G3BP2: variants seen among roughly 807,000 people sequenced by gnomAD.
G3BP2 encodes ras GTPase-activating protein-binding protein 2.
G3BP2 carries 11 observed loss-of-function variants against 56.7 expected under a neutral mutation model. The ratio of observed to expected loss-of-function variants is 0.19; its 90% CI spans 0.12 to 0.32. The LOEUF is 0.32. G3BP2 is among the 10% of genes least tolerant of loss of function. G3BP2 has a pLI of 1.00. For missense variants in G3BP2, 340 were observed against 610.9 expected (o/e 0.56, Z 4.67); for synonymous variants, 165 against 191.6 (o/e 0.86, Z 1.15).
At chr4:75,672,902 C>T (rs1733609038) in intron 1 of G3BP2, 1 of 623,040 alleles carries the variant, frequency 1.6e-6, no homozygotes, top group Non-Finnish European at 2.0e-6. Context: ...CGTGCCTCCC[C>T]CCCCACTTCG....
intron 3 of G3BP2, among the ~76,000 whole-genome samples, chr4:75,698,605 G>T (rs905978908): frequency 2.0e-5 from 3 of 152,096 alleles, no homozygotes; most frequent in African/African-American, 7.2e-5. Context: ...CAGCTTCTGA[G>T]CTTTCCTCAA....
intron 3 of G3BP2, among the ~76,000 whole-genome samples, chr4:75,692,344 C>T (rs2149082852): frequency 6.6e-6 from 1 of 152,082 alleles, no homozygotes; most frequent in East Asian, 1.9e-4. Flanking sequence ...CAGAGTTTCG[C>T]TCTGTTGCCC....
At chr4:75,676,044 G>T (rs997852824), upstream of G3BP2, among the ~76,000 whole-genome samples, 5 of 152,168 alleles carry the variant, frequency 3.3e-5, no homozygotes, top group South Asian at 2.1e-4. Context: ...AAAAGATTCA[G>T]CGATCTTCAA....
chr4:75,667,684 A>C (rs142211539), intron 1 of G3BP2, among the ~76,000 whole-genome samples: 15 of 152,214 alleles, frequency 9.9e-5, no homozygotes, highest in African/African-American at 3.6e-4. Context: ...AGGTCAGGAG[A>C]TCGAGACCAT....
At chr4:75,699,437 T>C (rs7672378) in intron 3 of G3BP2, among the ~76,000 whole-genome samples, 133,121 of 152,014 alleles carry the variant, frequency 0.88, 58,307 homozygotes, top group East Asian at 0.91. Flanking sequence ...AGAGCAGAGT[T>C]TCAGAGAGTT....
At chr4:75,670,570 T>A (rs941012283) in intron 1 of G3BP2, 1 of 152,192 alleles carries the variant, frequency 6.6e-6, no homozygotes, top group African/African-American at 2.4e-5. Flanking sequence ...CTATTAAAAG[T>A]GACCAAGCAG....
At chr4:75,669,323 ATCT>A (rs1477555513) in intron 1 of G3BP2, among the ~76,000 whole-genome samples, 2 of 152,220 alleles carry the variant, frequency 1.3e-5, no homozygotes, top group African/African-American at 4.8e-5. Context: ...AAGTGTCATA[ATCT>A]TCTCAACTTG....
At chr4:75,696,477 A>G in intron 3 of G3BP2, among the ~76,000 whole-genome samples, 1 of 152,212 alleles carries the variant, frequency 6.6e-6, no homozygotes, top group East Asian at 1.9e-4. Flanking sequence ...GGTTGCCAAC[A>G]GTCCTTCACC....
chr4:75,652,996 A>G (rs1334726393), intron 8 of G3BP2, among the ~76,000 whole-genome samples: 1 of 152,194 alleles, frequency 6.6e-6, no homozygotes, highest in Non-Finnish European at 1.5e-5. Context: ...TCATATGGGT[A>G]GAAAAGCACA....
At chr4:75,719,518 TA>T (rs753901975) in intron 3 of G3BP2, among the ~76,000 whole-genome samples, 2 of 151,840 alleles carry the variant, frequency 1.3e-5, no homozygotes, top group South Asian at 4.2e-4. Flanking sequence ...ACCATTCCTT[TA>T]AAAAAAAGTA....
intron 3 of G3BP2, among the ~76,000 whole-genome samples, chr4:75,690,008 C>T (rs1479413207): frequency 6.6e-6 from 1 of 152,078 alleles, no homozygotes; most frequent in East Asian, 1.9e-4. Context: ...GTTCAGTTTG[C>T]CAATTTTTAT....
chr4:75,650,556 TTC>T (rs926171249), intron 8 of G3BP2, among the ~76,000 whole-genome samples: 6 of 152,134 alleles, frequency 3.9e-5, no homozygotes, highest in African/African-American at 1.4e-4. Context: ...TCTTCCTAAA[TTC>T]TGTTTTCCTC....
chr4:75,693,365 C>G (rs191658181), intron 3 of G3BP2, among the ~76,000 whole-genome samples: 32 of 152,344 alleles, frequency 2.1e-4, no homozygotes, highest in African/African-American at 7.7e-4. Context: ...CCAATGAGGA[C>G]ATCAGTAGCT....
At chr4:75,664,155 T>C (rs990382138) in intron 1 of G3BP2, among the ~76,000 whole-genome samples, 1 of 151,818 alleles carries the variant, frequency 6.6e-6, no homozygotes, top group Non-Finnish European at 1.5e-5. Context: ...GTGCTGGGAT[T>C]ACAGGCGTGA....
chr4:75,692,855 T>G (rs1395074413), intron 3 of G3BP2, among the ~76,000 whole-genome samples: 2 of 151,974 alleles, frequency 1.3e-5, no homozygotes, highest in African/African-American at 4.8e-5. Context: ...AGAGCAGGGG[T>G]TGCAAACTGG....
chr4:75,703,606 C>A (rs1212202530), intron 3 of G3BP2, among the ~76,000 whole-genome samples: 1 of 152,036 alleles, frequency 6.6e-6, no homozygotes, highest in Non-Finnish European at 1.5e-5. Context: ...GATTGAGGTC[C>A]CCTCAGCTGG....
chr4:75,718,535 T>C (rs1335094889), intron 3 of G3BP2, among the ~76,000 whole-genome samples: 1 of 152,220 alleles, frequency 6.6e-6, no homozygotes, highest in East Asian at 1.9e-4. Context: ...TTGTTTTTCT[T>C]ATCCTGATAA....
In G3BP2 at chr4:75,673,212, A is replaced by T; in HGVS notation, c.-29T>A. The T allele has an allele frequency of 8.3e-7, 1 of 1,207,850 alleles. No individual in the cohort carries two copies. Among genetic ancestry groups the T allele is most frequent in the Non-Finnish European group, 1.0e-6 (1 of 972,918 alleles). The allele number at this position is 1,207,850 out of a possible 1,614,324, so 74.8% of individuals were successfully genotyped here. Reference sequence around the variant, plus strand: ...CCTCCCGGCGCCCGTACACACCTCCAGCCAACGGCGGCGGCGGGTACGTCG... The same window carrying T: ...CCTCCCGGCGCCCGTACACACCTCCTGCCAACGGCGGCGGCGGGTACGTCG... On this transcript the variant is annotated 5_prime_UTR_variant, in exon 1 of 12. Transcript: ENST00000359707.
intron 1 of G3BP2, chr4:75,672,364 C>T (rs1396620185): frequency 2.6e-5 from 4 of 152,172 alleles, no homozygotes; most frequent in Admixed American, 2.6e-4. Context: ...ATTCCACTAA[C>T]AAAATCAACA....
Sources: allele counts gnomAD v4.1 joint callset (sites outside exome capture counted in the v4.1 genomes callset), GRCh38; gene constraint gnomAD v4.1.1; transcripts MANE v1.5; gene names NCBI Gene and HGNC (gene_info 2026-07-23, HGNC 2026-07-21).